The following KCNIP4 variants were observed in gnomAD, a reference collection of about 807,000 sequenced individuals.
The protein encoded by KCNIP4 is Kv channel-interacting protein 4.
A neutral mutation model predicts 34.0 loss-of-function variants in KCNIP4; 12 were observed. The observed-to-expected ratio is 0.35, with a 90% CI of 0.23 to 0.57. KCNIP4 has a LOEUF of 0.57. Ranked by LOEUF, KCNIP4 falls within the 20% of genes least tolerant of loss-of-function variation. KCNIP4 has a pLI of 0.83. For missense variants in KCNIP4, 238 were observed against 311.7 expected, an observed-to-expected ratio of 0.76 and a Z score of 1.78; for synonymous variants, 124 against 102.2, an observed-to-expected ratio of 1.21 and a Z score of -1.29.
At chr4:21,613,729 G>C (rs1289111059) in intron 1 of KCNIP4, 2 of 152,144 alleles carry the variant, frequency 1.3e-5, no homozygotes, top group African/African-American at 4.8e-5. Context: ...GTTCTCATAA[G>C]TGTATGTGGT....
chr4:21,881,962 C>A (rs1578106062), intron 1 of KCNIP4, among the ~76,000 whole-genome samples: 1 of 152,078 alleles, frequency 6.6e-6, no homozygotes, highest in Non-Finnish European at 1.5e-5. Flanking sequence ...AAAGATACTA[C>A]GCATGGAAAA....
At chr4:20,781,015 G>A (rs1034378197) in intron 3 of KCNIP4, among the ~76,000 whole-genome samples, 2 of 152,104 alleles carry the variant, frequency 1.3e-5, no homozygotes, top group East Asian at 3.9e-4. Flanking sequence ...TGCTTTGGGA[G>A]ATAACCACCA....
At chr4:21,517,219 C>T (rs1178701960) in intron 1 of KCNIP4, among the ~76,000 whole-genome samples, 5 of 152,084 alleles carry the variant, frequency 3.3e-5, no homozygotes, top group Middle Eastern at 3.2e-3. Context: ...ATAATGAGTA[C>T]AACATACTCA....
At chr4:21,077,586 T>C (rs892424081) in intron 1 of KCNIP4, among the ~76,000 whole-genome samples, 5 of 152,178 alleles carry the variant, frequency 3.3e-5, no homozygotes, top group African/African-American at 1.2e-4. Context: ...TTACTAGCTA[T>C]GTGACTCTGA....
At chr4:21,717,752 C>T (rs938638608) in intron 1 of KCNIP4, among the ~76,000 whole-genome samples, 30 of 152,156 alleles carry the variant, frequency 2.0e-4, no homozygotes, top group Non-Finnish European at 3.4e-4. Flanking sequence ...TGTTTCAAGG[C>T]TCTTGATCAC....
chr4:20,820,043 T>C (rs1004572916), intron 3 of KCNIP4, among the ~76,000 whole-genome samples: 2 of 152,214 alleles, frequency 1.3e-5, no homozygotes, highest in Non-Finnish European at 2.9e-5. Context: ...AACAAGATAA[T>C]GCAGAGAGGC....
intron 1 of KCNIP4, among the ~76,000 whole-genome samples, chr4:21,623,632 A>G (rs35426077): frequency 0.26 from 39,756 of 152,034 alleles, 5,867 homozygotes; most frequent in African/African-American, 0.41. Context: ...TCAATTAGTT[A>G]TAGAGAAGCT....
At chr4:21,687,363 C>T (rs1481464284) in intron 1 of KCNIP4, among the ~76,000 whole-genome samples, 1 of 150,544 alleles carries the variant, frequency 6.6e-6, no homozygotes. Flanking sequence ...ATTCTACCAA[C>T]CTGGGAAAAG....
At chr4:21,056,671 A>T (rs1743437021) in intron 1 of KCNIP4, among the ~76,000 whole-genome samples, 1 of 152,146 alleles carries the variant, frequency 6.6e-6, no homozygotes, top group Admixed American at 6.6e-5. Context: ...TGTACTTCTA[A>T]TACACAAGAT....
chr4:21,726,416 G>T (rs1193808612), intron 1 of KCNIP4, among the ~76,000 whole-genome samples: 1 of 152,164 alleles, frequency 6.6e-6, no homozygotes. Context: ...TAGGCATAAA[G>T]ATAAGTCTCA....
At chr4:21,037,276 G>A (rs1741536807) in intron 1 of KCNIP4, among the ~76,000 whole-genome samples, 1 of 152,146 alleles carries the variant, frequency 6.6e-6, no homozygotes. Context: ...TTACAGTAAT[G>A]TTCTGGGCCT....
At chr4:21,124,548 C>T (rs546397004) in intron 1 of KCNIP4, among the ~76,000 whole-genome samples, 7 of 152,088 alleles carry the variant, frequency 4.6e-5, no homozygotes, top group Non-Finnish European at 7.4e-5. Context: ...CTTGAGTTGG[C>T]CATTTAGTAT....
chr4:21,115,220 T>C (rs1749584808), intron 1 of KCNIP4, among the ~76,000 whole-genome samples: 1 of 152,198 alleles, frequency 6.6e-6, no homozygotes, highest in South Asian at 2.1e-4. Flanking sequence ...TCTATAACCA[T>C]ACACAGTTTA....
chr4:21,623,241 C>T (rs1440402824), intron 1 of KCNIP4, among the ~76,000 whole-genome samples: 1 of 152,162 alleles, frequency 6.6e-6, no homozygotes, highest in Non-Finnish European at 1.5e-5. Flanking sequence ...ATATCACACA[C>T]TGAGTCAAAT....
chr4:21,834,911 A>G (rs1413413247), intron 1 of KCNIP4, among the ~76,000 whole-genome samples: 1 of 152,092 alleles, frequency 6.6e-6, no homozygotes, highest in Non-Finnish European at 1.5e-5. Flanking sequence ...ATTTGCATAT[A>G]TTGAACCAGC....
chr4:21,410,605 C>A (rs1359490722), intron 1 of KCNIP4, among the ~76,000 whole-genome samples: 1 of 152,124 alleles, frequency 6.6e-6, no homozygotes, highest in Non-Finnish European at 1.5e-5. Flanking sequence ...CACAGTTAAG[C>A]CTGTAGGTGG....
At chr4:20,882,809 G>T in intron 1 of KCNIP4, 100 bp from the exon 2 acceptor site, 1 of 844,266 alleles carries the variant, frequency 1.2e-6, no homozygotes. Flanking sequence ...GATCAGGGAC[G>T]CAGCCATCCA....
chr4:21,185,688 A>T (rs1014494165), intron 1 of KCNIP4, among the ~76,000 whole-genome samples: 1 of 152,178 alleles, frequency 6.6e-6, no homozygotes, highest in Non-Finnish European at 1.5e-5. Flanking sequence ...CTTTGTCATC[A>T]TCATTCTAAT....
At chr4:21,255,065 A>T (rs1760972843) in intron 1 of KCNIP4, among the ~76,000 whole-genome samples, 1 of 152,134 alleles carries the variant, frequency 6.6e-6, no homozygotes, top group Non-Finnish European at 1.5e-5. Flanking sequence ...AGACCAAGTC[A>T]GTCTTGAATG....
Sources: gnomAD v4.1 joint callset for allele counts (sites outside exome capture counted in the v4.1 genomes callset) on GRCh38, gnomAD v4.1.1 for gene constraint, MANE v1.5 for transcripts, NCBI Gene and HGNC (gene_info 2026-07-23, HGNC 2026-07-21) for gene names.